CCDC102A: variants seen among roughly 807,000 people sequenced by gnomAD.
CCDC102A encodes coiled-coil domain-containing protein 102A.
In CCDC102A, 40 loss-of-function variants were observed where a neutral mutation model predicts 55.5. The observed-to-expected ratio is 0.72, with a 90% confidence interval of 0.56 to 0.94. The LOEUF (loss-of-function observed/expected upper bound fraction) is 0.94, where lower values mean the gene tolerates loss of function less well. CCDC102A is among the 40% of genes least tolerant of loss of function. The pLI is 0.00. For missense variants in CCDC102A, 779 were observed against 768.6 expected, an observed-to-expected ratio of 1.01 and a Z score of -0.16; for synonymous variants, 323 against 339.0, an observed-to-expected ratio of 0.95 and a Z score of 0.52.
Position 57,512,509 on chromosome 16 carries a change from G to T in CCDC102A, c.*232C>A. On this transcript the variant is annotated 3_prime_UTR_variant, in exon 9 of 9. Transcript: ENST00000258214. ...AACCAAATGGGTCCAAAGACTTCTG[G>T]GTGTGCGCGCGCGCGCGCGCGTGTG... 1 of 444,408 alleles carries T rather than the reference G, an allele frequency of 2.3e-6. No individual in the cohort carries two copies. The highest frequency in any genetic ancestry group is 3.9e-6 in the Non-Finnish European group (1 of 256,856). 27.5% of individuals were successfully genotyped at this position (444,408 alleles called of 1,614,324 possible).
Position 57,528,600 on chromosome 16 carries a change from C to T in CCDC102A, c.578G>A (p.Gly193Asp). ...CCCGCCCGCGCCGCGCACCTGGCTG[C>T]CTGGCGGCCTCTCGGACCCGACGTC... ...VRDVGSERPP[G>D]SQELELVESL... The change falls in exon 2 of 9, where the codon GGC (glycine) becomes GAC (aspartate). Residue 193 changes from glycine (G) to aspartate (D), a missense_variant. Transcript: ENST00000258214. 1.6e-6 allele frequency: 2 copies of T among 1,264,216 alleles called. No homozygotes were observed. The highest frequency in any genetic ancestry group is 2.0e-6 in the Non-Finnish European group (2 of 997,554). The allele number at this position is 1,264,216 out of a possible 1,614,324, so 78.3% of individuals were successfully genotyped here. A position where few individuals can be genotyped will look rare whatever the true frequency, so the allele number is the denominator to read the frequency against.
At chr16:57,515,959 C>T (rs1459651779) in intron 7 of CCDC102A, among the ~76,000 whole-genome samples, 1 of 152,072 alleles carries the variant, frequency 6.6e-6, no homozygotes, top group African/African-American at 2.4e-5. Context: ...CCCATCCAGC[C>T]ATCATCTGTT....
chr16:57,521,126 C>G lies in CCDC102A; in HGVS notation c.863G>C (p.Ser288Thr). 1 of 1,613,710 alleles carries G rather than the reference C, an allele frequency of 6.2e-7. No homozygotes were observed. Among genetic ancestry groups the G allele is most frequent in the Non-Finnish European group, 8.5e-7 (1 of 1,180,020 alleles). Residue 288 changes from serine to threonine, a missense_variant, in exon 4 of 9, where the codon AGC becomes ACC. Transcript: ENST00000258214. ...RNIEKLEGELSQWKIKYEELS... is the reference protein window; with the variant it reads ...RNIEKLEGELTQWKIKYEELS... ...CTCCTCATACTTGATCTTCCACTGG[C>G]TGAGCTCCCCCTCTAGCTTCTCAAT...
chr16:57,535,622 GCCCCACCCCGA>G (rs1598083940), intron 1 of CCDC102A, among the ~76,000 whole-genome samples: 1 of 151,674 alleles, frequency 6.6e-6, no homozygotes, highest in African/African-American at 2.4e-5. Context: ...TGGGGACCCA[GCCCCACCCCGA>G]CCCCAGCCCC....
At chr16:57,528,542 GC>G in intron 2 of CCDC102A, 50 bp downstream of exon 2, 2 of 1,142,794 alleles carry the variant, frequency 1.8e-6, no homozygotes, top group Non-Finnish European at 1.1e-6. Context: ...AGGACAATCG[GC>G]CCCGCCCACT....
chr16:57,517,669 C>T (rs1283493318), intron 6 of CCDC102A, among the ~76,000 whole-genome samples: 1 of 152,208 alleles, frequency 6.6e-6, no homozygotes, highest in Admixed American at 6.5e-5. Flanking sequence ...AATGTCACTG[C>T]CTCCGGGAGG....
chr16:57,518,848 A>G (rs2146701479), intron 4 of CCDC102A, 107 bp from the exon 5 acceptor site: 1 of 814,970 alleles, frequency 1.2e-6, no homozygotes, highest in Non-Finnish European at 2.0e-6. Flanking sequence ...GAGCCAAGGC[A>G]GCGCCCAAAT....
chr16:57,521,077 C>A lies in CCDC102A; in HGVS notation c.912G>T (p.Met304Ile). 4.3e-6 allele frequency: 7 copies of A among 1,612,856 alleles called. No homozygotes were observed. The highest frequency in any genetic ancestry group is 5.9e-6 in the Non-Finnish European group (7 of 1,179,272). The change falls in exon 4 of 9, where the codon ATG becomes ATT. Residue 304 changes from methionine to isoleucine, a missense_variant. Physicochemically the swap from Met to Ile is conservative, Grantham distance 10. Coordinates refer to ENST00000258214, the MANE Select transcript of CCDC102A (RefSeq NM_033212.4). ...GGTCTCCAAGACTCACCTGCTTGAG[C>A]ATCTCCTGCTTGGTCTTGCTCAGCT... ...YEELSKTKQE[M>I]LKQLSILKEA...
chr16:57,528,944 C>T lies in CCDC102A; in HGVS notation c.234G>A (p.Arg78=), dbSNP rs774691635. Residue 78 remains arginine, a synonymous_variant, in exon 2 of 9, where the codon CGG becomes CGA. Transcript: ENST00000258214. The part of the protein sequence containing the change: ...DWESREELRL[R]ELEEARARAA... The stretch of plus-strand genomic sequence containing the variant: ...CCCGCGCCCGCGCCTCCTCCAGCTC[C>T]CGCAGCCGCAGCTCCTCGCGGCTCT... 2.2e-6 allele frequency: 3 copies of T among 1,386,820 alleles called. No individual in the cohort carries two copies. The highest frequency in any genetic ancestry group is 2.5e-5 in the South Asian group (2 of 79,100). 85.9% of individuals were successfully genotyped at this position (1,386,820 alleles called of 1,614,324 possible).
chr16:57,533,715 C>T (rs931794003), intron 1 of CCDC102A, among the ~76,000 whole-genome samples: 3 of 151,810 alleles, frequency 2.0e-5, no homozygotes, highest in Non-Finnish European at 2.9e-5. Flanking sequence ...CATACAGCCC[C>T]GGTAATGCAC....
In CCDC102A at chr16:57,528,905, C is replaced by T. The variant is rs2146713448; in HGVS notation, c.273G>A (p.Glu91=). Residue 91 remains glutamate (E), a synonymous_variant, in exon 2 of 9, where the codon GAG becomes GAA. Transcript: ENST00000258214. ...EEARARAAQM[E]KTMRRWSDCT... ...AGTCCGACCACCGGCGCATGGTCTT[C>T]TCCATCTGCGCCGCCCGCGCCCGCG... 1 of 1,407,802 alleles carries T rather than the reference C, an allele frequency of 7.1e-7. No individual in the cohort carries two copies. Among genetic ancestry groups the T allele is most frequent in the Non-Finnish European group, 9.3e-7 (1 of 1,073,534 alleles). The allele number at this position is 1,407,802 out of a possible 1,614,324, so 87.2% of individuals were successfully genotyped here.
intron 3 of CCDC102A, among the ~76,000 whole-genome samples, chr16:57,523,647 ATT>A (rs1299522774): frequency 9.6e-5 from 14 of 145,646 alleles, no homozygotes; most frequent in African/African-American, 3.2e-4. Context: ...TTCCCAGCTA[ATT>A]TTTTTTTTTT....
chr16:57,526,515 C>A (rs1213761293), intron 2 of CCDC102A, among the ~76,000 whole-genome samples: 1 of 152,146 alleles, frequency 6.6e-6, no homozygotes, highest in African/African-American at 2.4e-5. Context: ...CCTGTTTTTT[C>A]AGGGGCAAAT....
chr16:57,519,495 G>A (rs2032011388), intron 4 of CCDC102A, among the ~76,000 whole-genome samples: 1 of 152,234 alleles, frequency 6.6e-6, no homozygotes, highest in Admixed American at 6.5e-5. Context: ...CTGCACACAG[G>A]TGCATCGGCA....
At chr16:57,526,762 C>G (rs183831884) in intron 2 of CCDC102A, among the ~76,000 whole-genome samples, 2 of 152,238 alleles carry the variant, frequency 1.3e-5, no homozygotes, top group African/African-American at 4.8e-5. Flanking sequence ...TCTGGACCAG[C>G]CTCTTCCTGG....
chr16:57,516,265 G>A lies in CCDC102A; in HGVS notation c.1419+28C>T. ...CACTCCTCCCTGGCCAAGGTCTGTTGCTGCCCCTGCCCCTCTGTGGTCCTC... is the reference window on the plus strand; with the variant it reads ...CACTCCTCCCTGGCCAAGGTCTGTTACTGCCCCTGCCCCTCTGTGGTCCTC... On this transcript the variant is annotated intron_variant, in intron 7 of 8. Coordinates refer to ENST00000258214, the MANE Select transcript of CCDC102A (RefSeq NM_033212.4). This position sits in a 1 kb window ranked among gnomAD's most constrained non-coding sequence, Gnocchi z 4.4. 1 of 1,595,360 alleles carries A rather than the reference G, an allele frequency of 6.3e-7. No homozygotes were observed. Among genetic ancestry groups the A allele is most frequent in the Non-Finnish European group, 8.5e-7 (1 of 1,175,668 alleles).
chr16:57,526,269 C>A, intron 2 of CCDC102A, 142 bp from the exon 3 acceptor site: 1 of 630,056 alleles, frequency 1.6e-6, no homozygotes, highest in East Asian at 3.0e-5. Flanking sequence ...CTCTCCATCT[C>A]TGGAGAAGGA....
intron 2 of CCDC102A, 50 bp from the exon 3 acceptor site, chr16:57,526,177 T>C (rs1598076184): frequency 7.2e-7 from 1 of 1,397,316 alleles, no homozygotes; most frequent in South Asian, 1.3e-5. Flanking sequence ...AGCCAGGCCC[T>C]GGGTCTGAGA....
intron 3 of CCDC102A, among the ~76,000 whole-genome samples, chr16:57,525,263 T>C (rs1233183153): frequency 7.2e-5 from 11 of 152,068 alleles, no homozygotes; most frequent in East Asian, 1.9e-4. Context: ...GCCTAGCTAA[T>C]TTTTGCATTT....
Sources: gnomAD v4.1 joint callset for allele counts (sites outside exome capture counted in the v4.1 genomes callset) on GRCh38, gnomAD v4.1.1 for gene constraint, Gnocchi (gnomAD v3.1) non-coding constraint, MANE v1.5 for transcripts, NCBI Gene and HGNC (gene_info 2026-07-23, HGNC 2026-07-21) for gene names.